ADGRL4: variants seen among roughly 807,000 people sequenced by gnomAD.
ADGRL4 encodes adhesion G protein-coupled receptor L4, also known as EGF, latrophilin and seven transmembrane domain containing 1.
Under a neutral mutation model 74.8 loss-of-function variants are expected in ADGRL4, and 90 were observed. The observed-to-expected ratio is 1.20, with a 90% confidence interval of 1.02 to 1.43. ADGRL4 has a LOEUF of 1.43. Ranked by LOEUF, ADGRL4 falls within the 40% of genes most tolerant of loss-of-function variation. The probability of loss-of-function intolerance (pLI) is 0.00; values close to 1 mark genes in which losing one functional copy is unlikely to be tolerated. For missense variants in ADGRL4, 881 were observed against 814.3 expected (o/e 1.08, Z -1.00); for synonymous variants, 311 against 279.2 (o/e 1.11, Z -1.14).
At chr1:78,915,942 A>C (rs540331278) in intron 12 of ADGRL4, among the ~76,000 whole-genome samples, 1 of 151,986 alleles carries the variant, frequency 6.6e-6, no homozygotes, top group Admixed American at 6.6e-5. Context: ...TTGTAGAGTA[A>C]AACTGAGGGG....
rs1377882282 is a variant in ADGRL4, at chr1:78,936,303, T to A, written c.869A>T (p.Asp290Val). The A allele has an allele frequency of 6.3e-7, 1 of 1,592,374 alleles. No individual in the cohort carries two copies. The highest frequency in any genetic ancestry group is 8.5e-7 in the Non-Finnish European group (1 of 1,172,374). ...NIFPKRKAAY[D>V]SNGNVAVAFV... ...GATTGTTAAAGTCCTACCATTTGAA[T>A]CATATGCAGCTTTTCTCTTTGGAAA... Residue 290 changes from aspartate to valine, a missense_variant, in exon 7 of 15, where the codon GAT becomes GTT. Coordinates refer to ENST00000370742, the MANE Select transcript of ADGRL4 (RefSeq NM_022159.4).
intron 12 of ADGRL4, among the ~76,000 whole-genome samples, chr1:78,900,729 A>G (rs1570211971): frequency 6.6e-6 from 1 of 152,110 alleles, no homozygotes; most frequent in Admixed American, 6.5e-5. Flanking sequence ...TCACTTCATG[A>G]TTGCAAGTTT....
intron 2 of ADGRL4, among the ~76,000 whole-genome samples, chr1:78,983,503 A>G (rs76892632): frequency 5.9e-4 from 90 of 151,970 alleles, no homozygotes; most frequent in African/African-American, 2.0e-3. Flanking sequence ...CAACAGATTA[A>G]ATATAGCTAT....
chr1:78,926,353 T>C (rs1649113755), intron 8 of ADGRL4, among the ~76,000 whole-genome samples: 1 of 152,000 alleles, frequency 6.6e-6, no homozygotes, highest in Admixed American at 6.6e-5. Context: ...CATGCTTTTT[T>C]ATTGTATAGC....
intron 7 of ADGRL4, among the ~76,000 whole-genome samples, chr1:78,930,511 G>T (rs1167435339): frequency 6.9e-6 from 1 of 144,892 alleles, no homozygotes; most frequent in Non-Finnish European, 1.5e-5. Context: ...GAGTGCAGTG[G>T]TGGGATCTCA....
intron 2 of ADGRL4, among the ~76,000 whole-genome samples, chr1:78,954,381 A>G (rs1051033867): frequency 2.0e-5 from 3 of 152,138 alleles, no homozygotes; most frequent in Admixed American, 2.0e-4. Context: ...GGGAAAAAAG[A>G]TAAAGTAAGC....
intron 10 of ADGRL4, among the ~76,000 whole-genome samples, chr1:78,918,614 AC>A (rs2100670118): frequency 6.6e-6 from 1 of 152,068 alleles, no homozygotes; most frequent in South Asian, 2.1e-4. Context: ...ACTTAAACAT[AC>A]TTTTCAGTGT....
At chr1:78,998,876 A>C (rs763650883) in intron 2 of ADGRL4, among the ~76,000 whole-genome samples, 4 of 152,132 alleles carry the variant, frequency 2.6e-5, no homozygotes, top group Non-Finnish European at 5.9e-5. Context: ...TTAATCTATA[A>C]ATTGGGGATA....
intron 2 of ADGRL4, among the ~76,000 whole-genome samples, chr1:78,950,407 G>C (rs1383983847): frequency 2.0e-5 from 3 of 152,040 alleles, no homozygotes; most frequent in Admixed American, 2.0e-4. Context: ...CAAGAATTTG[G>C]AATTATATCC....
intron 12 of ADGRL4, among the ~76,000 whole-genome samples, chr1:78,906,400 A>T (rs1271981036): frequency 1.6e-4 from 25 of 151,990 alleles, no homozygotes; most frequent in Admixed American, 1.6e-3. Flanking sequence ...CAAAAACAGA[A>T]TCAAAAGGCA....
At chr1:78,914,978 G>GT (rs1180077661) in intron 12 of ADGRL4, among the ~76,000 whole-genome samples, 11 of 151,910 alleles carry the variant, frequency 7.2e-5, no homozygotes, top group African/African-American at 2.4e-4. Context: ...GGTGATCACA[G>GT]TATTTCATTT....
intron 2 of ADGRL4, among the ~76,000 whole-genome samples, chr1:78,947,338 G>A (rs534735979): frequency 6.6e-5 from 10 of 152,254 alleles, no homozygotes; most frequent in African/African-American, 1.9e-4. Flanking sequence ...ATAAAAGGAC[G>A]GAAATTTGGA....
At chr1:78,965,264 G>C (rs1229555613) in intron 2 of ADGRL4, among the ~76,000 whole-genome samples, 2 of 152,024 alleles carry the variant, frequency 1.3e-5, no homozygotes, top group Non-Finnish European at 2.9e-5. Context: ...ATGATACTTT[G>C]TTATAAGAAT....
intron 6 of ADGRL4, 36 bp downstream of exon 6, chr1:78,937,771 A>C (rs2100687862): frequency 6.3e-7 from 1 of 1,576,140 alleles, no homozygotes; most frequent in East Asian, 2.2e-5. Context: ...TTATTTGGAA[A>C]ACACAATTAC....
At chr1:78,970,040 C>A (rs1182131465) in intron 2 of ADGRL4, among the ~76,000 whole-genome samples, 4 of 152,152 alleles carry the variant, frequency 2.6e-5, no homozygotes, top group African/African-American at 9.7e-5. Context: ...GCACCATGCA[C>A]CCAAATCCTA....
intron 2 of ADGRL4, among the ~76,000 whole-genome samples, chr1:78,968,035 G>T (rs1264921059): frequency 6.6e-6 from 1 of 152,038 alleles, no homozygotes; most frequent in African/African-American, 2.4e-5. Flanking sequence ...ACATGTTTAG[G>T]TACATGAGAT....
intron 7 of ADGRL4, among the ~76,000 whole-genome samples, chr1:78,932,104 C>T (rs1227076988): frequency 6.6e-6 from 1 of 151,410 alleles, no homozygotes. Context: ...AGAACTCTTA[C>T]CCCCAAATCA....
At position 78,968,543 on chromosome 1, in the gene ADGRL4, A is replaced by G. The variant is rs1602051; in HGVS notation, c.173-22117T>C. On this transcript the variant is annotated intron_variant, in intron 2 of 14. Coordinates refer to ENST00000370742, the MANE Select transcript of ADGRL4 (RefSeq NM_022159.4). Reference sequence around the variant, plus strand: ...GAGACGGGGGTCGGCAATCAGTTCAATTACCCTCTAGTGGTATTTACTCAA... The same window carrying G: ...GAGACGGGGGTCGGCAATCAGTTCAGTTACCCTCTAGTGGTATTTACTCAA... Among the ~76,000 whole-genome samples the G allele has an allele frequency of 8.6e-3, 1,297 of 151,234 alleles. 7 individuals are homozygous for G. Among genetic ancestry groups the G allele is most frequent in the Non-Finnish European group, 0.014 (915 of 67,672 alleles).
At chr1:78,952,345 T>TTTTTTCC (rs1553137100) in intron 2 of ADGRL4, among the ~76,000 whole-genome samples, 1 of 148,842 alleles carries the variant, frequency 6.7e-6, no homozygotes, top group Non-Finnish European at 1.5e-5. Flanking sequence ...TTTTTTTTTT[T>TTTTTTCC]CCTCTTTTTC....
Sources: gnomAD v4.1 joint callset for allele counts (sites outside exome capture counted in the v4.1 genomes callset) on GRCh38, gnomAD v4.1.1 for gene constraint, MANE v1.5 for transcripts, NCBI Gene and HGNC (gene_info 2026-07-23, HGNC 2026-07-21) for gene names.